Variants in ABR observed in about 807,000 individuals in gnomAD.
The protein encoded by ABR is ABR activator of RhoGEF and GTPase.
In ABR, 35 loss-of-function variants were observed where a neutral mutation model predicts 107.2. The ratio of observed to expected loss-of-function variants is 0.33; its 90% CI spans 0.25 to 0.43. The LOEUF (loss-of-function observed/expected upper bound fraction) is 0.43, where lower values mean the gene tolerates loss of function less well. Among genes scored for constraint, ABR ranks in the 20% least tolerant of loss-of-function variants. ABR has a pLI of 1.00. For missense variants in ABR, 815 were observed against 1,115.2 expected, an observed-to-expected ratio of 0.73 and a Z score of 3.83; for synonymous variants, 498 against 462.0, an observed-to-expected ratio of 1.08 and a Z score of -1.00.
Position 1,009,716 on chromosome 17 carries a change from G to T in ABR, c.2305C>A (p.Leu769Ile), listed in dbSNP as rs1000829691. The change falls in exon 21 of 23, where the codon CTC (leucine) becomes ATC (isoleucine). Residue 769 changes from leucine to isoleucine, a missense_variant. Leu to Ile is a conservative substitution (Grantham distance 5). Coordinates refer to ENST00000302538, the MANE Select transcript of ABR (RefSeq NM_021962.5). ...HLLRSLPDPNLITFLFLLEHL... is the reference protein window; with the variant it reads ...HLLRSLPDPNIITFLFLLEHL... ...TCCAGCAGGAAGAGGAAGGTGATGA[G>T]GTTGGGGTCGGGCAGGGAGCGGAGC... The T allele has an allele frequency of 1.5e-5, 25 of 1,614,170 alleles. No homozygotes were observed. Among genetic ancestry groups the T allele is most frequent in the Non-Finnish European group, 1.9e-5 (22 of 1,180,020 alleles).
At position 1,122,913 on chromosome 17, in the gene ABR, C is replaced by G. The variant is rs577681381; in HGVS notation, c.246+2270G>C. 1.1e-4 allele frequency among the ~76,000 whole-genome samples: 16 copies of G among 152,328 alleles called. No individual in the cohort carries two copies. The South Asian group carries it at 3.3e-3, about 32-fold the overall frequency. ...TGCCAGAAGCCAGATATCTGAATAT[C>G]TACAACAATTGTCTGATTTGGTCCA... On this transcript the variant is annotated intron_variant, in intron 2 of 22. Transcript: ENST00000302538.
At chr17:1,016,356 G>A (rs1449547729) in intron 16 of ABR, among the ~76,000 whole-genome samples, 3 of 144,424 alleles carry the variant, frequency 2.1e-5, no homozygotes, top group African/African-American at 5.1e-5. Flanking sequence ...TCGCTCTGTC[G>A]CCCAGGCTGG....
chr17:1,070,715 T>C lies in ABR; in HGVS notation c.895-625A>G, dbSNP rs2035170100. Among the ~76,000 whole-genome samples the C allele has an allele frequency of 6.6e-6, 1 of 152,122 alleles. No homozygotes were observed. Among genetic ancestry groups the C allele is most frequent in the Non-Finnish European group, 1.5e-5 (1 of 68,006 alleles). ...CTGCAGCCAACTCTAACCTGGGCTCTGGGTGGTTTCTGCTCCACGTGGGAG... is the reference window on the plus strand; with the variant it reads ...CTGCAGCCAACTCTAACCTGGGCTCCGGGTGGTTTCTGCTCCACGTGGGAG... On this transcript the variant is annotated intron_variant, in intron 8 of 22. Transcript: ENST00000302538. This position sits in a 1 kb window ranked among gnomAD's most constrained non-coding sequence, Gnocchi z 4.2.
At chr17:1,165,197 G>A (rs1359330620) in intron 1 of ABR, among the ~76,000 whole-genome samples, 1 of 152,246 alleles carries the variant, frequency 6.6e-6, no homozygotes, top group African/African-American at 2.4e-5. Context: ...CAGGCCTGGG[G>A]CCACAGAACC....
intron 16 of ABR, among the ~76,000 whole-genome samples, chr17:1,014,278 A>G (rs2070935134): frequency 6.8e-6 from 1 of 146,784 alleles, no homozygotes; most frequent in African/African-American, 2.5e-5. Flanking sequence ...CGTCTCTACT[A>G]AAAATACAAA....
At chr17:1,100,603 G>GA (rs1305825485) in intron 3 of ABR, 34 bp downstream of exon 3, 1 of 1,594,804 alleles carries the variant, frequency 6.3e-7, no homozygotes, top group Non-Finnish European at 8.6e-7. Flanking sequence ...CGGGCGGGGG[G>GA]ACCGGAAGGC....
intron 2 of ABR, among the ~76,000 whole-genome samples, chr17:1,105,273 C>G (rs1276574451): frequency 6.6e-6 from 1 of 152,056 alleles, no homozygotes; most frequent in Admixed American, 6.6e-5. Flanking sequence ...TCCCAAAGTG[C>G]TGGGATTACA....
chr17:1,007,435 T>C lies in ABR; in HGVS notation c.2343-123A>G, dbSNP rs575020490. ...CCTGGAAGGGGTCACCTCGTCTCTG[T>C]CTCCTAGGAGTGGGGACCTCCCCCG... On this transcript the variant is annotated intron_variant, in intron 21 of 22. Transcript: ENST00000302538. 1.1e-4 allele frequency: 140 copies of C among 1,227,672 alleles called. No individual in the cohort carries two copies. In the Admixed American group the frequency reaches 2.9e-3, roughly 25 times the overall value. 76.0% of individuals were successfully genotyped at this position (1,227,672 alleles called of 1,614,324 possible).
intron 1 of ABR, among the ~76,000 whole-genome samples, chr17:1,171,973 C>G (rs1353478926): frequency 6.6e-6 from 1 of 152,166 alleles, no homozygotes; most frequent in Non-Finnish European, 1.5e-5. Flanking sequence ...ATTAATCAAT[C>G]AGGTCACCAC....
At position 1,078,421 on chromosome 17, in the gene ABR, C is replaced by T. The variant is rs527688811; in HGVS notation, c.700+909G>A. 5.9e-5 allele frequency among the ~76,000 whole-genome samples: 9 copies of T among 152,266 alleles called. No individual in the cohort carries two copies. In the South Asian group the frequency reaches 1.2e-3, roughly 21 times the overall value. On this transcript the variant is annotated intron_variant, in intron 6 of 22. Coordinates refer to ENST00000302538, the MANE Select transcript of ABR (RefSeq NM_021962.5). The surrounding 1 kb of genome is among the most constrained non-coding windows in gnomAD (Gnocchi z 7.5). ...CTGGCAACGCCGCCGTCCGGACCAT[C>T]GCCACCCATCGCCACGCTGTGCCTG... is the stretch of plus-strand genomic sequence containing the variant.
At chr17:1,144,456 G>A (rs868812420) in intron 1 of ABR, among the ~76,000 whole-genome samples, 2 of 152,028 alleles carry the variant, frequency 1.3e-5, no homozygotes, top group African/African-American at 4.8e-5. Context: ...TCTAGGTGCC[G>A]CCACTTCCTT....
intron 1 of ABR, among the ~76,000 whole-genome samples, chr17:1,166,456 T>C (rs1338535729): frequency 2.0e-5 from 3 of 152,122 alleles, no homozygotes; most frequent in South Asian, 4.1e-4. Context: ...GAGTGTTGTA[T>C]CCTGGGAAAC....
In ABR at chr17:1,087,645, GGCCCATCAAT is replaced by G. The variant is rs1478315583; in HGVS notation, c.531+4010_531+4019del. Among the ~76,000 whole-genome samples, 11 of 151,972 alleles carry G rather than the reference GGCCCATCAAT, an allele frequency of 7.2e-5. No homozygotes were observed. The East Asian group carries it at 2.1e-3, about 29-fold the overall frequency. Reference sequence around the variant, plus strand: ...CCTTTTCCAGGGAGTACTGAGGCCCGGCCCATCAATGCCCACGCTACACGAGGCATACTAG... The same window carrying G: ...CCTTTTCCAGGGAGTACTGAGGCCCGGCCCACGCTACACGAGGCATACTAG... On this transcript the variant is annotated intron_variant, in intron 4 of 22. Transcript: ENST00000302538.
chr17:1,097,575 A>G (rs1402508906), intron 3 of ABR, among the ~76,000 whole-genome samples: 1 of 136,400 alleles, frequency 7.3e-6, no homozygotes, highest in African/African-American at 2.7e-5. Flanking sequence ...TGGGCAACAG[A>G]GCAAGACTCC....
At chr17:1,183,939 G>A (rs952849218), upstream of ABR, among the ~76,000 whole-genome samples, 5 of 152,250 alleles carry the variant, frequency 3.3e-5, no homozygotes, top group South Asian at 2.1e-4. Context: ...GGCCAGGCGC[G>A]GTGGCTCATG....
intron 16 of ABR, among the ~76,000 whole-genome samples, chr17:1,041,311 C>T (rs1422467585): frequency 6.6e-6 from 1 of 152,230 alleles, no homozygotes; most frequent in Non-Finnish European, 1.5e-5. Flanking sequence ...GTATCGTAAA[C>T]AGAAACAAGT....
At chr17:1,043,743 C>T (rs2031067323) in intron 16 of ABR, among the ~76,000 whole-genome samples, 1 of 152,176 alleles carries the variant, frequency 6.6e-6, no homozygotes, top group East Asian at 1.9e-4. Flanking sequence ...TGGAACCTGC[C>T]CCTCCCACCA....
At chr17:1,191,235 A>C (rs965465661), upstream of ABR, among the ~76,000 whole-genome samples, 5 of 152,172 alleles carry the variant, frequency 3.3e-5, no homozygotes, top group South Asian at 4.1e-4. Context: ...CCACCCCAGC[A>C]GACGGCGGTT....
intron 7 of ABR, among the ~76,000 whole-genome samples, chr17:1,072,991 G>A (rs1227887240): frequency 6.6e-6 from 1 of 152,160 alleles, no homozygotes; most frequent in Non-Finnish European, 1.5e-5. Context: ...ACCAGCCTGG[G>A]CAACGTGGTG....
Sources: allele counts gnomAD v4.1 joint callset (sites outside exome capture counted in the v4.1 genomes callset), GRCh38; gene constraint gnomAD v4.1.1; non-coding constraint Gnocchi (gnomAD v3.1); transcripts MANE v1.5; gene names NCBI Gene and HGNC (gene_info 2026-07-23, HGNC 2026-07-21).